KDM4C: variants seen among roughly 807,000 people sequenced by gnomAD.
KDM4C encodes lysine demethylase 4C.
Under a neutral mutation model 129.3 loss-of-function variants are expected in KDM4C, and 81 were observed. That is an observed-to-expected ratio of 0.63 (90% CI 0.52 to 0.75). KDM4C has a LOEUF of 0.75. Among genes scored for constraint, KDM4C ranks in the 30% least tolerant of loss-of-function variants. The pLI, the probability that KDM4C is intolerant of heterozygous loss-of-function variation, is 0.00. For synonymous variants in KDM4C, 573 were observed against 456.1 expected, an observed-to-expected ratio of 1.26 and a Z score of -3.26; for missense variants, 1,457 against 1,304.0, an observed-to-expected ratio of 1.12 and a Z score of -1.81.
chr9:6,875,617 G>T (rs1464789750), intron 5 of KDM4C, among the ~76,000 whole-genome samples: 2 of 150,690 alleles, frequency 1.3e-5, no homozygotes, highest in East Asian at 3.9e-4. Context: ...GGTGTTTTGA[G>T]AAGTCAGAGG....
chr9:7,140,543 C>CT (rs1841642666), intron 19 of KDM4C, among the ~76,000 whole-genome samples: 1 of 152,166 alleles, frequency 6.6e-6, no homozygotes, highest in Non-Finnish European at 1.5e-5. Flanking sequence ...GAAGGCCCTT[C>CT]TTTTGGTAGA....
chr9:7,174,819 T>C lies in KDM4C; in HGVS notation c.*90T>C. ...CTTGGGGCTGTGCCGTGAGTTTTGC[T>C]GGCATAGGTGACAGGGTGTGTCTCT... On this transcript the variant is annotated 3_prime_UTR_variant, in exon 22 of 22. Transcript: ENST00000381309. The C allele has an allele frequency of 8.8e-7, 1 of 1,134,572 alleles. No homozygotes were observed. Among genetic ancestry groups the C allele is most frequent in the Non-Finnish European group, 1.3e-6 (1 of 777,788 alleles). 70.3% of individuals were successfully genotyped at this position (1,134,572 alleles called of 1,614,324 possible).
Position 7,005,722 on chromosome 9 carries a change from G to A in KDM4C, c.1787-5976G>A, listed in dbSNP as rs189948933. ...ATCATGTCCTGAAGTACTAGGTTGC[G>A]CATACCAGCAAATAGCAGCTTTATG... is the stretch of plus-strand genomic sequence containing the variant. On this transcript the variant is annotated intron_variant, in intron 12 of 21. Coordinates refer to ENST00000381309, the MANE Select transcript of KDM4C (RefSeq NM_015061.6). Among the ~76,000 whole-genome samples, 5 of 152,240 alleles carry A rather than the reference G, an allele frequency of 3.3e-5. No individual in the cohort carries two copies. The East Asian group carries it at 7.7e-4, about 23-fold the overall frequency.
chr9:7,173,701 G>GGT (rs1489137511), intron 21 of KDM4C, among the ~76,000 whole-genome samples: 2 of 152,194 alleles, frequency 1.3e-5, no homozygotes, highest in African/African-American at 4.8e-5. Flanking sequence ...AATGTAACTG[G>GGT]GTGCATGGGC....
chr9:7,163,553 GCCGCCACACTTACCC>G (rs1269299300), intron 19 of KDM4C, among the ~76,000 whole-genome samples: 1 of 152,162 alleles, frequency 6.6e-6, no homozygotes, highest in Admixed American at 6.5e-5. Flanking sequence ...GCCACCTCCT[GCCGCCACACTTACCC>G]CAGCACCTGG....
At chr9:6,748,606 G>A (rs1817962545) in intron 1 of KDM4C, 1 of 678,492 alleles carries the variant, frequency 1.5e-6, no homozygotes, top group Admixed American at 2.1e-5. Context: ...AAACATAAGT[G>A]TAATCAAAAC....
intron 10 of KDM4C, 64 bp from the exon 11 acceptor site, chr9:6,986,280 T>C (rs1038967772): frequency 3.5e-6 from 4 of 1,126,848 alleles, no homozygotes; most frequent in Non-Finnish European, 5.1e-6. Flanking sequence ...GGGAATAGTT[T>C]ACCAATTCTA....
chr9:7,040,330 C>CCTCCCTCCCTTCCTCTTTCCCTCT, intron 15 of KDM4C, among the ~76,000 whole-genome samples: 1 of 149,562 alleles, frequency 6.7e-6, no homozygotes, highest in Non-Finnish European at 1.5e-5. Context: ...TCTTTCCCTC[C>CCTCCCTCCCTTCCTCTTTCCCTCT]CTCCCTCCCT....
intron 12 of KDM4C, among the ~76,000 whole-genome samples, chr9:7,007,947 C>G (rs1247699977): frequency 6.6e-6 from 1 of 152,064 alleles, no homozygotes; most frequent in Non-Finnish European, 1.5e-5. Flanking sequence ...GCGCTTGTCC[C>G]CTGGCAGAAA....
chr9:7,022,965 G>A (rs1168791653), intron 15 of KDM4C, among the ~76,000 whole-genome samples: 2 of 152,168 alleles, frequency 1.3e-5, no homozygotes, highest in African/African-American at 4.8e-5. Context: ...ATTTGCATAT[G>A]TTGAATCATC....
intron 5 of KDM4C, among the ~76,000 whole-genome samples, 187 bp downstream of exon 5, chr9:6,849,887 C>A (rs1047074845): frequency 6.6e-6 from 1 of 152,152 alleles, no homozygotes; most frequent in Non-Finnish European, 1.5e-5. Context: ...CCATAAACCC[C>A]ATGGTAACTC....
intron 19 of KDM4C, among the ~76,000 whole-genome samples, chr9:7,151,380 G>A (rs35502660): frequency 1.3e-5 from 2 of 151,754 alleles, no homozygotes; most frequent in Non-Finnish European, 2.9e-5. Context: ...GTTCAGAAAG[G>A]GTGTGTATGT....
chr9:7,091,547 G>A (rs1214819933), intron 17 of KDM4C, among the ~76,000 whole-genome samples: 4 of 152,164 alleles, frequency 2.6e-5, no homozygotes, highest in African/African-American at 9.7e-5. Context: ...TTGAGAGTTA[G>A]ACAGATGTGT....
upstream of KDM4C, among the ~76,000 whole-genome samples, chr9:6,753,739 G>T (rs12550912): frequency 1.3e-5 from 2 of 152,140 alleles, no homozygotes; most frequent in African/African-American, 4.8e-5. Context: ...CTGCAGTTAC[G>T]GCATTAATTC....
chr9:6,856,593 A>G (rs139234466), intron 5 of KDM4C, among the ~76,000 whole-genome samples: 4,488 of 132,710 alleles, frequency 0.034, 228 homozygotes, highest in African/African-American at 0.12. Flanking sequence ...TTTTTTTTTG[A>G]GACAGAGTCT....
At chr9:6,800,370 GCAAA>G (rs1564034833) in intron 2 of KDM4C, among the ~76,000 whole-genome samples, 1 of 151,442 alleles carries the variant, frequency 6.6e-6, no homozygotes, top group Non-Finnish European at 1.5e-5. Flanking sequence ...ATCTCAAAAA[GCAAA>G]CAAACAAACA....
chr9:6,849,429 G>T, intron 4 of KDM4C, 78 bp from the exon 5 acceptor site: 1 of 1,233,898 alleles, frequency 8.1e-7, no homozygotes, highest in Non-Finnish European at 1.1e-6. Flanking sequence ...TTGGTGGATA[G>T]TGGTTTGATT....
At chr9:6,934,363 C>A (rs1824334705) in intron 8 of KDM4C, among the ~76,000 whole-genome samples, 1 of 151,148 alleles carries the variant, frequency 6.6e-6, no homozygotes, top group Non-Finnish European at 1.5e-5. Context: ...CCCTGTAGTC[C>A]CAGCTACTTG....
intron 17 of KDM4C, among the ~76,000 whole-genome samples, chr9:7,056,673 A>T (rs953794539): frequency 1.3e-5 from 2 of 152,170 alleles, no homozygotes; most frequent in Non-Finnish European, 1.5e-5. Flanking sequence ...TTTTGAAGTC[A>T]TTTTTTCCTG....
Sources: gnomAD v4.1 joint callset for allele counts (sites outside exome capture counted in the v4.1 genomes callset) on GRCh38, gnomAD v4.1.1 for gene constraint, MANE v1.5 for transcripts, NCBI Gene and HGNC (gene_info 2026-07-23, HGNC 2026-07-21) for gene names.